MAST2: variants seen among roughly 807,000 people sequenced by gnomAD.
MAST2 encodes the protein microtubule associated serine/threonine kinase 2.
A neutral mutation model predicts 147.4 loss-of-function variants in MAST2; 70 were observed. The observed-to-expected ratio is 0.47, with a 90% CI of 0.39 to 0.58. The LOEUF is 0.58. MAST2 is among the 20% of genes least tolerant of loss of function. The probability of loss-of-function intolerance (pLI) is 0.00; values close to 1 mark genes in which losing one functional copy is unlikely to be tolerated. For missense variants in MAST2, 2,080 were observed against 2,302.3 expected, an observed-to-expected ratio of 0.90 and a Z score of 1.98; for synonymous variants, 869 against 896.8, an observed-to-expected ratio of 0.97 and a Z score of 0.55.
chr1:45,919,968 TG>T (rs1388472239), intron 4 of MAST2, among the ~76,000 whole-genome samples: 1 of 152,250 alleles, frequency 6.6e-6, no homozygotes, highest in Non-Finnish European at 1.5e-5. Context: ...CTTGAGAATC[TG>T]GGATGCAGTT....
At chr1:45,980,231 C>T (rs1335408130) in intron 5 of MAST2, among the ~76,000 whole-genome samples, 4 of 148,960 alleles carry the variant, frequency 2.7e-5, no homozygotes, top group Non-Finnish European at 5.9e-5. Context: ...GTTGAAATCG[C>T]CCCACTGCAC....
chr1:46,015,604 A>C (rs992647992), intron 10 of MAST2, among the ~76,000 whole-genome samples: 2 of 152,192 alleles, frequency 1.3e-5, no homozygotes, highest in East Asian at 1.9e-4. Context: ...CGACACATAC[A>C]CCCTCCCAAG....
At chr1:45,974,910 TAA>T (rs1434692082) in intron 5 of MAST2, among the ~76,000 whole-genome samples, 1 of 152,182 alleles carries the variant, frequency 6.6e-6, no homozygotes, top group Non-Finnish European at 1.5e-5. Context: ...ATAAAATCCT[TAA>T]AGAGTGAAGG....
chr1:46,030,139 G>C lies in MAST2; in HGVS notation c.2454G>C (p.Glu818Asp). The C allele has an allele frequency of 1.2e-6, 2 of 1,614,252 alleles. No individual in the cohort carries two copies. The highest frequency in any genetic ancestry group is 1.3e-5 in the African/African-American group (1 of 75,072). ...TTATGTCTGGCCCAGCCCGCTCAGA[G>C]CGATACCACCACATGGACTCGGAGG... ...DDTSYFDTRS[E>D]RYHHMDSEDE... The change falls in exon 21 of 29, where the codon GAG becomes GAC. Residue 818 changes from glutamate to aspartate, a missense_variant. Glu to Asp is a conservative substitution (Grantham distance 45). Around this residue, in one of 4 missense-constraint regions of MAST2, gnomAD observed 1,278 missense variants for 1,304.2 expected, o/e 0.98. Coordinates refer to ENST00000361297, the MANE Select transcript of MAST2 (RefSeq NM_015112.3).
At chr1:45,967,430 G>T (rs12029972) in intron 5 of MAST2, among the ~76,000 whole-genome samples, 17,949 of 152,040 alleles carry the variant, frequency 0.12, 1,378 homozygotes, top group East Asian at 0.31. Flanking sequence ...TTGACCAGAA[G>T]CCTTACTGAT....
rs145938684 is a variant in MAST2 at position 45,926,672 on chromosome 1, C to G, written c.501-32714C>G. Among the ~76,000 whole-genome samples the G allele has an allele frequency of 7.8e-3, 1,188 of 152,288 alleles. 8 individuals carry two copies. Among genetic ancestry groups the G allele is most frequent in the Non-Finnish European group, 0.01 (708 of 68,028 alleles). On this transcript the variant is annotated intron_variant, in intron 4 of 28. Coordinates refer to ENST00000361297, the MANE Select transcript of MAST2 (RefSeq NM_015112.3). ...TCAAGGTATTTCATTTCTCCTCTTA[C>G]AGCAGGGAAAGCGCATCTTGAGAGT...
intron 10 of MAST2, among the ~76,000 whole-genome samples, chr1:46,019,126 C>T (rs535801242): frequency 1.3e-5 from 2 of 152,286 alleles, no homozygotes; most frequent in South Asian, 4.1e-4. Flanking sequence ...ATTAGAGTTG[C>T]CTGCTAATGG....
intron 5 of MAST2, among the ~76,000 whole-genome samples, chr1:45,994,131 G>A (rs1258806994): frequency 1.3e-5 from 2 of 152,066 alleles, no homozygotes; most frequent in South Asian, 2.1e-4. Context: ...CAGGAGCTTT[G>A]TGTCCAGAGT....
At chr1:45,989,658 C>T (rs935139062) in intron 5 of MAST2, among the ~76,000 whole-genome samples, 4 of 151,912 alleles carry the variant, frequency 2.6e-5, no homozygotes, top group African/African-American at 7.3e-5. Context: ...TTGACAAATG[C>T]GTAATGTCAC....
chr1:46,033,907 A>C lies in MAST2; in HGVS notation c.3643A>C (p.Lys1215Gln). The change falls in exon 27 of 29, where the codon AAG becomes CAG. Residue 1215 changes from lysine (K) to glutamine (Q), a missense_variant. Physicochemically the swap from Lys to Gln is moderately conservative, Grantham distance 53 (BLOSUM62 1). Around this residue, in one of 4 missense-constraint regions of MAST2, gnomAD observed 1,278 missense variants for 1,304.2 expected, o/e 0.98. Transcript: ENST00000361297. Reference protein sequence around the residue: ...SYKAKMARRSKRSRGKDGQES... With the variant: ...SYKAKMARRSQRSRGKDGQES... The stretch of plus-strand genomic sequence containing the variant: ...CAAGGCCAAGATGGCCCGAAGGAGC[A>C]AGAGGAGCCGCGGCAAGGATGGGCA... 1 of 1,614,188 alleles carries C rather than the reference A, an allele frequency of 6.2e-7. No individual in the cohort carries two copies. The highest frequency in any genetic ancestry group is 8.5e-7 in the Non-Finnish European group (1 of 1,180,014).
At chr1:45,990,572 C>T (rs1644819414) in intron 5 of MAST2, among the ~76,000 whole-genome samples, 1 of 152,140 alleles carries the variant, frequency 6.6e-6, no homozygotes, top group South Asian at 2.1e-4. Flanking sequence ...CAGCCCACTA[C>T]AGCCCAAGCT....
intron 3 of MAST2, among the ~76,000 whole-genome samples, chr1:45,862,150 A>G (rs1181951687): frequency 6.6e-6 from 1 of 152,254 alleles, no homozygotes; most frequent in Non-Finnish European, 1.5e-5. Flanking sequence ...AACAGGCTTT[A>G]AGGAAACCAG....
At chr1:45,881,380 CATATA>C (rs907451305) in intron 3 of MAST2, among the ~76,000 whole-genome samples, 2 of 152,172 alleles carry the variant, frequency 1.3e-5, no homozygotes, top group Non-Finnish European at 2.9e-5. Context: ...CAGAGGAATA[CATATA>C]ATATAATACC....
intron 3 of MAST2, among the ~76,000 whole-genome samples, chr1:45,832,045 G>T (rs932771727): frequency 6.6e-6 from 1 of 152,086 alleles, no homozygotes; most frequent in African/African-American, 2.4e-5. Flanking sequence ...CTCTCAAAGT[G>T]CTGGGATTAC....
At chr1:45,845,186 G>A (rs566455472) in intron 3 of MAST2, among the ~76,000 whole-genome samples, 3 of 152,224 alleles carry the variant, frequency 2.0e-5, no homozygotes, top group Non-Finnish European at 2.9e-5. Flanking sequence ...AGAATACATG[G>A]GAGAACGTTT....
chr1:46,035,712 C>CA lies in MAST2; in HGVS notation c.5045dup (p.Asn1682LysfsTer14), dbSNP rs1399572320. 4 of 1,614,000 alleles carry CA rather than the reference C, an allele frequency of 2.5e-6. No individual in the cohort carries two copies. The highest frequency in any genetic ancestry group is 3.4e-6 in the Non-Finnish European group (4 of 1,180,024). The stretch of plus-strand genomic sequence containing the variant: ...AGGCAACCATGGCAGGTGGGCTAGC[C>CA]AACCTCCAGGATTTGGAAAACACAA... On this transcript the variant is annotated frameshift_variant, in exon 29 of 29. Transcript: ENST00000361297. LOFTEE classifies it low-confidence loss of function (END_TRUNC). The surrounding 1 kb of genome is among the most constrained non-coding windows in gnomAD (Gnocchi z 5.5).
At chr1:45,943,669 C>T (rs901818416) in intron 4 of MAST2, among the ~76,000 whole-genome samples, 1 of 152,090 alleles carries the variant, frequency 6.6e-6, no homozygotes, top group African/African-American at 2.4e-5. Flanking sequence ...TCGCTTGAAC[C>T]CGGGAGGCAG....
chr1:45,857,860 T>G (rs569006880), intron 3 of MAST2, among the ~76,000 whole-genome samples: 2 of 146,868 alleles, frequency 1.4e-5, no homozygotes, highest in African/African-American at 2.6e-5. Context: ...GTTTTTTTTT[T>G]TTTTTTTTTT....
At chr1:45,945,552 C>T (rs749444453) in intron 4 of MAST2, among the ~76,000 whole-genome samples, 4 of 152,050 alleles carry the variant, frequency 2.6e-5, no homozygotes, top group Non-Finnish European at 5.9e-5. Flanking sequence ...ACAGGCCAGA[C>T]AGCTGGGCAA....
Sources: allele counts gnomAD v4.1 joint callset (sites outside exome capture counted in the v4.1 genomes callset), GRCh38; gene constraint gnomAD v4.1.1; regional missense constraint gnomAD v4.1.1; non-coding constraint Gnocchi (gnomAD v3.1); transcripts MANE v1.5; gene names NCBI Gene and HGNC (gene_info 2026-07-23, HGNC 2026-07-21).